Variants in CYBB observed in about 807,000 individuals in gnomAD.
CYBB encodes the protein cytochrome b-245 beta chain.
CYBB carries 5 observed loss-of-function variants against 46.5 expected under a neutral mutation model. The observed-to-expected ratio is 0.11, with a 90% CI of 0.06 to 0.23. The LOEUF (loss-of-function observed/expected upper bound fraction) is 0.23, where lower values mean the gene tolerates loss of function less well. Among genes scored for constraint, CYBB ranks in the 10% least tolerant of loss-of-function variants. The pLI is 1.00. For missense variants in CYBB, 307 were observed against 428.3 expected, an observed-to-expected ratio of 0.72 and a Z score of 2.50; for synonymous variants, 183 against 156.7, an observed-to-expected ratio of 1.17 and a Z score of -1.26.
At chrX:37,802,678 C>G (rs369161516) in intron 8 of CYBB, among the ~76,000 whole-genome samples, 14 of 112,195 alleles carry the variant, frequency 1.2e-4, no homozygotes, top group African/African-American at 4.2e-4. Flanking sequence ...TAGTTTTTAT[C>G]ATGTAAGATG....
intron 4 of CYBB, among the ~76,000 whole-genome samples, chrX:37,793,247 C>A (rs1556467493): frequency 9.2e-6 from 1 of 108,437 alleles, no homozygotes; most frequent in Non-Finnish European, 1.9e-5. Context: ...GGTTAATGGG[C>A]CAGCAATTAG....
At position 37,806,499 on chromosome X, in the gene CYBB, A is replaced by G. The variant is rs782358158; in HGVS notation, c.1427A>G (p.Tyr476Cys). Residue 476 changes from tyrosine to cysteine, a missense_variant, in exon 11 of 13, where the codon TAC (tyrosine) becomes TGC (cysteine). This residue lies in a region of CYBB where 122 missense variants were observed against 208.3 expected (regional missense o/e 0.59). Coordinates refer to ENST00000378588, the MANE Select transcript of CYBB (RefSeq NM_000397.4). Reference protein sequence around the residue: ...QERNNAGFLSYNIYLTGWDES... With the variant: ...QERNNAGFLSCNIYLTGWDES... ...AGGAACAATGCCGGCTTCCTCAGCT[A>G]CAACATCTACCTCACTGGCTGGGAT... The G allele has an allele frequency of 2.6e-5, 31 of 1,209,329 alleles. 1 individual carries two copies. Among genetic ancestry groups the G allele is most frequent in the South Asian group, 3.5e-5 (2 of 56,814 alleles).
chrX:37,793,482 T>A (rs1929238476), intron 4 of CYBB, among the ~76,000 whole-genome samples, 183 bp from the exon 5 acceptor site: 1 of 110,539 alleles, frequency 9.0e-6, no homozygotes, highest in African/African-American at 3.3e-5. Flanking sequence ...GAGAGGATCT[T>A]ACCCACTAGA....
chrX:37,796,109 C>T lies in CYBB; in HGVS notation c.642C>T (p.Ile214=), dbSNP rs782705892. 3 of 1,210,030 alleles carry T rather than the reference C, an allele frequency of 2.5e-6. No individual in the cohort carries two copies. The Admixed American group carries it at 6.5e-5, about 26-fold the overall frequency. The change falls in exon 6 of 13, where the codon ATC becomes ATT. Residue 214 remains isoleucine, a synonymous_variant. Transcript: ENST00000378588. ...VFWYTHHLFV[I]FFIGLAIHGA... ...GGTACACACATCATCTCTTTGTGAT[C>T]TTCTTCATTGGCCTTGCCATCCATG...
Position 37,811,947 on chromosome X carries a change from G to C in CYBB, c.*1030G>C, listed in dbSNP as rs1210465614. On this transcript the variant is annotated 3_prime_UTR_variant, in exon 13 of 13. Coordinates refer to ENST00000378588, the MANE Select transcript of CYBB (RefSeq NM_000397.4). ...AATGCAGACTAATTTCCTGCCCAAAGTGGTCTTCTCCAGCTAGCCCTTATG... is the reference window on the plus strand; with the variant it reads ...AATGCAGACTAATTTCCTGCCCAAACTGGTCTTCTCCAGCTAGCCCTTATG... The C allele has an allele frequency of 8.9e-6, 1 of 111,801 alleles. No individual in the cohort carries two copies. The highest frequency in any genetic ancestry group is 1.9e-5 in the Non-Finnish European group (1 of 53,159). The allele number at this position is 111,801 out of a possible 1,213,427, so 9.2% of individuals were successfully genotyped here. A position where few individuals can be genotyped will look rare whatever the true frequency, so the allele number is the denominator to read the frequency against.
chrX:37,794,289 A>T (rs1929256931), intron 5 of CYBB, among the ~76,000 whole-genome samples: 1 of 111,671 alleles, frequency 9.0e-6, no homozygotes, highest in African/African-American at 3.3e-5. Flanking sequence ...TGGATCAGTT[A>T]TGGTCAGGAA....
At chrX:37,787,406 C>T (rs1401022948) in intron 3 of CYBB, among the ~76,000 whole-genome samples, 1 of 112,026 alleles carries the variant, frequency 8.9e-6, no homozygotes, top group Non-Finnish European at 1.9e-5. Flanking sequence ...AAAATATGTA[C>T]TTCTTTTTAG....
intron 3 of CYBB, among the ~76,000 whole-genome samples, chrX:37,785,996 C>T (rs928182944): frequency 4.5e-5 from 5 of 111,651 alleles, no homozygotes; most frequent in African/African-American, 1.6e-4. Context: ...CCCTTCAAAT[C>T]GCAGAGAAGC....
chrX:37,801,434 G>A, intron 8 of CYBB, 86 bp downstream of exon 8: 1 of 628,258 alleles, frequency 1.6e-6, no homozygotes, highest in Non-Finnish European at 2.7e-6. Flanking sequence ...TCATTGATCA[G>A]ATGTTACAAC....
chrX:37,804,969 A>C, intron 9 of CYBB, 37 bp from the exon 10 acceptor site: 1 of 1,194,251 alleles, frequency 8.4e-7, no homozygotes, highest in Non-Finnish European at 1.1e-6. Flanking sequence ...GAAGAGCAAG[A>C]CATCTCTGTA....
intron 3 of CYBB, among the ~76,000 whole-genome samples, chrX:37,787,501 C>T (rs1556465804): frequency 8.9e-6 from 1 of 111,942 alleles, no homozygotes; most frequent in Non-Finnish European, 1.9e-5. Context: ...TCAATAATCT[C>T]CCTTGCATTA....
At chrX:37,799,919 C>A (rs1010399158) in intron 7 of CYBB, among the ~76,000 whole-genome samples, 2 of 110,851 alleles carry the variant, frequency 1.8e-5, no homozygotes, top group African/African-American at 6.6e-5. Flanking sequence ...AACATAAAGG[C>A]AAATTTTCCA....
In CYBB at chrX:37,792,122, A is replaced by G. The variant is rs1218636371; in HGVS notation, c.337+63A>G. On this transcript the variant is annotated intron_variant, in intron 4 of 12. Transcript: ENST00000378588. ...CCTCTATTCATAGATACCTTTTTATATAGGAGATCAACCAGTTTTATAGTT... is the reference window on the plus strand; with the variant it reads ...CCTCTATTCATAGATACCTTTTTATGTAGGAGATCAACCAGTTTTATAGTT... 1.9e-5 allele frequency: 14 copies of G among 722,112 alleles called. No homozygotes were observed. The Admixed American group carries it at 2.0e-4, about 11-fold the overall frequency. 59.5% of individuals were successfully genotyped at this position (722,112 alleles called of 1,213,427 possible).
intron 10 of CYBB, among the ~76,000 whole-genome samples, chrX:37,805,558 A>G (rs35773320): frequency 0.16 from 18,319 of 111,388 alleles, 1,071 homozygotes; most frequent in South Asian, 0.19. Context: ...TTTTAAAAAA[A>G]CATTATAGAA....
At chrX:37,802,795 T>C (rs1293014937) in intron 8 of CYBB, among the ~76,000 whole-genome samples, 1 of 112,091 alleles carries the variant, frequency 8.9e-6, no homozygotes, top group African/African-American at 3.2e-5. Flanking sequence ...CAGTTAACAT[T>C]AGGAAGCTGC....
Position 37,810,853 on chromosome X carries a change from G to T in CYBB, c.1649G>T (p.Ser550Ile). Residue 550 changes from serine to isoleucine, a missense_variant, in exon 13 of 13, where the codon AGC (serine) becomes ATC (isoleucine). Physicochemically the swap from Ser to Ile is moderately radical, Grantham distance 142. Coordinates refer to ENST00000378588, the MANE Select transcript of CYBB (RefSeq NM_000397.4). The part of the protein sequence containing the change: ...EALAETLSKQ[S>I]ISNSESGPRG... ...TTGGCTGAAACCCTGAGTAAACAAA[G>T]CATCTCCAACTCTGAGTCTGGCCCT... is the stretch of plus-strand genomic sequence containing the variant. 1 of 1,206,263 alleles carries T rather than the reference G, an allele frequency of 8.3e-7. No individual in the cohort carries two copies. The highest frequency in any genetic ancestry group is 1.1e-6 in the Non-Finnish European group (1 of 890,779).
In CYBB at chrX:37,796,022, C is replaced by T; in HGVS notation, c.555C>T (p.Cys185=). 1.7e-6 allele frequency: 2 copies of T among 1,205,798 alleles called. No individual in the cohort carries two copies. The highest frequency in any genetic ancestry group is 3.5e-5 in the South Asian group (2 of 56,831). ...TCACTGGAGTTGTCATCACGCTGTG[C>T]CTCATATTAATTATCACTTCCTCCA... ...AGITGVVITL[C]LILIITSSTK... is the part of the protein sequence containing the mutation. Residue 185 remains cysteine (C), a synonymous_variant, in exon 6 of 13, where the codon TGC becomes TGT. Transcript: ENST00000378588.
intron 6 of CYBB, among the ~76,000 whole-genome samples, chrX:37,798,731 T>C (rs1402172001): frequency 1.8e-5 from 2 of 112,296 alleles, no homozygotes; most frequent in African/African-American, 6.5e-5. Flanking sequence ...CCCTCTATAA[T>C]GTTACATGTA....
Position 37,799,001 on chromosome X carries a change from A to C in CYBB, c.721A>C (p.Ile241Leu), listed in dbSNP as rs782356966. The C allele has an allele frequency of 4.1e-6, 5 of 1,208,894 alleles. No homozygotes were observed. The South Asian group carries it at 8.8e-5, about 21-fold the overall frequency. The change falls in exon 7 of 13, where the codon ATA (isoleucine) becomes CTA (leucine). Residue 241 changes from isoleucine (I) to leucine (L), a missense_variant. Coordinates refer to ENST00000378588, the MANE Select transcript of CYBB (RefSeq NM_000397.4). ...QTAESLAVHN[I>L]TVCEQKISEW... ...CGCAGAGAGTTTGGCTGTGCATAATATAACAGTTTGTGAACAAAAAATCTC... is the reference window on the plus strand; with the variant it reads ...CGCAGAGAGTTTGGCTGTGCATAATCTAACAGTTTGTGAACAAAAAATCTC...
Sources: gnomAD v4.1 joint callset for allele counts (sites outside exome capture counted in the v4.1 genomes callset) on GRCh38, gnomAD v4.1.1 for gene constraint, gnomAD v4.1.1 regional missense constraint, MANE v1.5 for transcripts, NCBI Gene and HGNC (gene_info 2026-07-23, HGNC 2026-07-21) for gene names.